The following COL23A1 variants were observed in gnomAD, a reference collection of about 807,000 sequenced individuals.
COL23A1 encodes the protein collagen alpha-1(XXIII) chain.
Under a neutral mutation model 99.3 loss-of-function variants are expected in COL23A1, and 97 were observed. The observed-to-expected ratio is 0.98, with a 90% confidence interval of 0.83 to 1.16. The LOEUF is 1.16. Ranked by LOEUF, COL23A1 falls within the 50% of genes most tolerant of loss-of-function variation. The probability of loss-of-function intolerance (pLI) is 0.00; values close to 1 mark genes in which losing one functional copy is unlikely to be tolerated. For synonymous variants in COL23A1, 320 were observed against 308.2 expected (o/e 1.04, Z -0.40); for missense variants, 762 against 757.4 (o/e 1.01, Z -0.07).
At chr5:178,368,669 GGCCTCCAGAAGCCGTCA>G (rs1375362716) in intron 2 of COL23A1, among the ~76,000 whole-genome samples, 74 of 149,750 alleles carry the variant, frequency 4.9e-4, no homozygotes, top group African/African-American at 1.4e-3. Context: ...AGAAGCCATC[GGCCTCCAGAAGCCGTCA>G]GCCTCCAGAA....
rs1457092401 is a variant in COL23A1 at position 178,307,520 on chromosome 5, T to A, written c.362-601A>T. On this transcript the variant is annotated intron_variant, in intron 2 of 28. Transcript: ENST00000390654. This position sits in a 1 kb window ranked among gnomAD's most constrained non-coding sequence, Gnocchi z 4.2. Reference sequence around the variant, plus strand: ...CCGCCTTCTGGGCTTCCTGTCCACGTCTGTCCTCCATCCGCGCGCTATAAG... The same window carrying A: ...CCGCCTTCTGGGCTTCCTGTCCACGACTGTCCTCCATCCGCGCGCTATAAG... Among the ~76,000 whole-genome samples the A allele has an allele frequency of 6.6e-6, 1 of 152,216 alleles. No individual in the cohort carries two copies. Among genetic ancestry groups the A allele is most frequent in the Admixed American group, 6.5e-5 (1 of 15,284 alleles).
At chr5:178,265,247 G>C (rs919944288) in intron 8 of COL23A1, among the ~76,000 whole-genome samples, 2 of 152,148 alleles carry the variant, frequency 1.3e-5, no homozygotes, top group Non-Finnish European at 2.9e-5. Context: ...TCCTCCCCTT[G>C]GTCTGGCAGG....
intron 1 of COL23A1, among the ~76,000 whole-genome samples, chr5:178,578,497 T>A (rs572139886): frequency 2.6e-5 from 4 of 152,328 alleles, no homozygotes; most frequent in African/African-American, 9.6e-5. Flanking sequence ...TCCGGCATTT[T>A]TTGTGTGATG....
intron 2 of COL23A1, among the ~76,000 whole-genome samples, chr5:178,349,833 A>G (rs1761216497): frequency 6.6e-6 from 1 of 150,830 alleles, no homozygotes; most frequent in Non-Finnish European, 1.5e-5. Flanking sequence ...GGTGTGATCT[A>G]GAGGAGGCCG....
chr5:178,307,029 T>G lies in COL23A1; in HGVS notation c.362-110A>C. On this transcript the variant is annotated intron_variant, in intron 2 of 28. Coordinates refer to ENST00000390654, the MANE Select transcript of COL23A1 (RefSeq NM_173465.4). This position sits in a 1 kb window ranked among gnomAD's most constrained non-coding sequence, Gnocchi z 4.2. ...TCCGCTCGCAACAGCTTTCTGGGAGTGGCCTGCCCGAGGGGGTCTGCTGGC... is the reference window on the plus strand; with the variant it reads ...TCCGCTCGCAACAGCTTTCTGGGAGGGGCCTGCCCGAGGGGGTCTGCTGGC... 2.7e-6 allele frequency: 2 copies of G among 738,938 alleles called. No homozygotes were observed. The highest frequency in any genetic ancestry group is 2.6e-5 in the South Asian group (1 of 38,756). The allele number at this position is 738,938 out of a possible 1,614,324, so 45.8% of individuals were successfully genotyped here. A position where few individuals can be genotyped will look rare whatever the true frequency, so the allele number is the denominator to read the frequency against.
chr5:178,523,406 A>G (rs1760123719), intron 2 of COL23A1: 1 of 133,924 alleles, frequency 7.5e-6, no homozygotes, highest in African/African-American at 2.8e-5. Context: ...CAGCCTGGGC[A>G]ACAAGAACGA....
rs556121152 is a variant in COL23A1, at chr5:178,589,793, G to A, written c.294+111C>T. On this transcript the variant is annotated intron_variant, in intron 1 of 28. Transcript: ENST00000390654. The surrounding 1 kb of genome is among the most constrained non-coding windows in gnomAD (Gnocchi z 5.4). Reference sequence around the variant, plus strand: ...GGGACGGCCCCGAGCGCACGCAGCCGGCGGGCGACCCTCCTCCCAGAGACC... The same window carrying A: ...GGGACGGCCCCGAGCGCACGCAGCCAGCGGGCGACCCTCCTCCCAGAGACC... The A allele has an allele frequency of 3.8e-6, 4 of 1,050,940 alleles. No homozygotes were observed. The East Asian group carries it at 1.4e-4, about 38-fold the overall frequency. The allele number at this position is 1,050,940 out of a possible 1,614,324, so 65.1% of individuals were successfully genotyped here. A position where few individuals can be genotyped will look rare whatever the true frequency, so the allele number is the denominator to read the frequency against.
At chr5:178,369,122 C>T (rs554763840) in intron 2 of COL23A1, among the ~76,000 whole-genome samples, 35 of 152,300 alleles carry the variant, frequency 2.3e-4, no homozygotes, top group African/African-American at 6.5e-4. Context: ...CTATTCAGTG[C>T]GGGTCAGGAG....
At chr5:178,447,208 C>T (rs1346573745) in intron 2 of COL23A1, among the ~76,000 whole-genome samples, 2 of 152,050 alleles carry the variant, frequency 1.3e-5, no homozygotes, top group African/African-American at 4.8e-5. Context: ...ACTCTCCTGC[C>T]TCAGCCTCCC....
chr5:178,274,748 A>G (rs1756492456), intron 5 of COL23A1, among the ~76,000 whole-genome samples: 1 of 152,210 alleles, frequency 6.6e-6, no homozygotes, highest in Admixed American at 6.5e-5. Context: ...TCAGCCTTGC[A>G]GGGCCCAGGT....
intron 2 of COL23A1, among the ~76,000 whole-genome samples, chr5:178,343,659 A>C (rs1026300877): frequency 0.018 from 275 of 15,048 alleles, 3 homozygotes; most frequent in African/African-American, 0.041. Flanking sequence ...CATTATATAT[A>C]TATATTTTTT....
At chr5:178,572,264 C>G (rs418147) in intron 1 of COL23A1, among the ~76,000 whole-genome samples, 10,488 of 151,824 alleles carry the variant, frequency 0.069, 552 homozygotes, top group South Asian at 0.13. Flanking sequence ...ACAAAGAAGA[C>G]AACTAGTGAA....
At chr5:178,260,382 A>G (rs1333589790) in intron 11 of COL23A1, among the ~76,000 whole-genome samples, 1 of 152,234 alleles carries the variant, frequency 6.6e-6, no homozygotes, top group Non-Finnish European at 1.5e-5. Context: ...ATGAAAAGAC[A>G]TGGATGAAAG....
intron 6 of COL23A1, among the ~76,000 whole-genome samples, chr5:178,269,449 A>G (rs1470590462): frequency 2.9e-5 from 3 of 104,384 alleles, no homozygotes; most frequent in African/African-American, 3.8e-5. Context: ...CCATCCACCC[A>G]TCCACCCATC....
intron 17 of COL23A1, among the ~76,000 whole-genome samples, chr5:178,252,171 T>C (rs997647470): frequency 2.0e-5 from 3 of 152,186 alleles, no homozygotes; most frequent in South Asian, 2.1e-4. Context: ...TGCCTCGGCC[T>C]CCCAAAGTGC....
chr5:178,448,117 G>A (rs919224161), intron 2 of COL23A1, among the ~76,000 whole-genome samples: 1 of 151,952 alleles, frequency 6.6e-6, no homozygotes, highest in African/African-American at 2.4e-5. Context: ...GTCACAGTCC[G>A]TTTTGTTCTG....
intron 2 of COL23A1, among the ~76,000 whole-genome samples, chr5:178,450,886 G>T (rs971603343): frequency 1.8e-4 from 28 of 152,186 alleles, no homozygotes; most frequent in African/African-American, 6.5e-4. Flanking sequence ...AGAACACCCA[G>T]TTCAGGGCTC....
rs191580396 is a variant in COL23A1, at chr5:178,257,500, C to T, written c.774+23G>A. 1,403 of 1,564,314 alleles carry T rather than the reference C, an allele frequency of 9.0e-4. 7 individuals carry two copies. The African/African-American group carries it at 0.016, about 18-fold the overall frequency. On this transcript the variant is annotated intron_variant, in intron 13 of 28. Transcript: ENST00000390654. ...CATGGGAGGTGGGGGCAGGGGGCCA[C>T]GAGAGGAGGGGCAGATACTCACCTT...
Position 178,257,516 on chromosome 5 carries a change from TA to T in COL23A1, c.774+6del, listed in dbSNP as rs750837811. 1.2e-5 allele frequency: 19 copies of T among 1,566,700 alleles called. No homozygotes were observed. The African/African-American group carries it at 2.4e-4, about 20-fold the overall frequency. Reference sequence around the variant, plus strand: ...AGGGGGCCACGAGAGGAGGGGCAGATACTCACCTTGGGCCCTGGTGGTCCAG... The same window carrying T: ...AGGGGGCCACGAGAGGAGGGGCAGATCTCACCTTGGGCCCTGGTGGTCCAG... On this transcript the variant is annotated splice_donor_region_variant and intron_variant, in intron 13 of 28. Transcript: ENST00000390654.
Sources: allele counts gnomAD v4.1 joint callset (sites outside exome capture counted in the v4.1 genomes callset), GRCh38; gene constraint gnomAD v4.1.1; non-coding constraint Gnocchi (gnomAD v3.1); transcripts MANE v1.5; gene names NCBI Gene and HGNC (gene_info 2026-07-23, HGNC 2026-07-21).